The following CHD9 variants were observed in gnomAD, a reference collection of about 807,000 sequenced individuals.
CHD9 encodes the protein ATP-dependent chromatin remodeler CHD9.
CHD9 carries 77 observed loss-of-function variants against 316.1 expected under a neutral mutation model. That is an observed-to-expected ratio of 0.24 (90% CI 0.20 to 0.29). The LOEUF (loss-of-function observed/expected upper bound fraction) is 0.29, where lower values mean the gene tolerates loss of function less well. CHD9 is among the 10% of genes least tolerant of loss of function. CHD9 has a pLI of 1.00. For missense variants in CHD9, 2,763 were observed against 3,438.1 expected, an observed-to-expected ratio of 0.80 and a Z score of 4.91; for synonymous variants, 1,129 against 1,158.3, an observed-to-expected ratio of 0.97 and a Z score of 0.51.
intron 2 of CHD9, chr16:53,207,966 G>C (rs1255197690): frequency 2.2e-6 from 2 of 901,198 alleles, no homozygotes; most frequent in African/African-American, 1.8e-5. Context: ...GAAGGAGTCA[G>C]TATTTTTAAC....
intron 36 of CHD9, among the ~76,000 whole-genome samples, chr16:53,317,638 C>T (rs1438524712): frequency 1.3e-5 from 2 of 152,152 alleles, no homozygotes; most frequent in Non-Finnish European, 2.9e-5. Flanking sequence ...GGACTGTAGG[C>T]GTACACCACC....
chr16:53,226,528 A>G lies in CHD9; in HGVS notation c.2043+16A>G. The G allele has an allele frequency of 3.8e-6, 6 of 1,586,352 alleles. No individual in the cohort carries two copies. Among genetic ancestry groups the G allele is most frequent in the Non-Finnish European group, 5.1e-6 (6 of 1,173,134 alleles). Reference sequence around the variant, plus strand: ...ATTGTTTGTGGTAAGCATATTTGGGATTATGACTGCAAAACATTTTAAACC... The same window carrying G: ...ATTGTTTGTGGTAAGCATATTTGGGGTTATGACTGCAAAACATTTTAAACC... On this transcript the variant is annotated intron_variant, in intron 5 of 38. Transcript: ENST00000447540.
At chr16:53,235,929 C>G (rs780727779) in intron 11 of CHD9, among the ~76,000 whole-genome samples, 12 of 152,140 alleles carry the variant, frequency 7.9e-5, no homozygotes, top group Non-Finnish European at 1.5e-4. Context: ...AATAAAGGCA[C>G]TACTGTTAGT....
intron 1 of CHD9, among the ~76,000 whole-genome samples, chr16:53,085,240 T>TA (rs1393010787): frequency 1.1e-4 from 17 of 151,106 alleles, no homozygotes; most frequent in South Asian, 4.2e-4. Context: ...TTTTTTTTTT[T>TA]TTTTTTTTTA....
intron 34 of CHD9, chr16:53,311,397 T>C (rs2035978628): frequency 6.6e-6 from 1 of 152,160 alleles, no homozygotes. Flanking sequence ...GGTGTGGGGA[T>C]GACAGAGATG....
At chr16:53,070,530 TTC>T (rs1198913398) in intron 1 of CHD9, among the ~76,000 whole-genome samples, 47 of 19,672 alleles carry the variant, frequency 2.4e-3, no homozygotes, top group African/African-American at 8.4e-3. Flanking sequence ...CCTTCCTTCC[TTC>T]CTCTCTCTCT....
intron 1 of CHD9, among the ~76,000 whole-genome samples, chr16:53,097,385 TTCC>T (rs1282935876): frequency 8.2e-4 from 42 of 50,960 alleles, no homozygotes; most frequent in African/African-American, 2.5e-3. Context: ...CCTTCCTTCC[TTCC>T]TTCCTTCCTT....
intron 37 of CHD9, chr16:53,321,030 C>T (rs369863576): frequency 3.3e-5 from 10 of 298,744 alleles, no homozygotes; most frequent in South Asian, 2.7e-4. Context: ...ATTTAAAGTA[C>T]TTAGCACAAT....
intron 13 of CHD9, among the ~76,000 whole-genome samples, chr16:53,244,711 T>G (rs2049416087): frequency 6.6e-6 from 1 of 152,188 alleles, no homozygotes; most frequent in African/African-American, 2.4e-5. Context: ...ATTTAGAATT[T>G]TTAAAGGCAC....
Position 53,245,329 on chromosome 16 carries a change from T to A in CHD9, c.3055-7T>A. 6.6e-7 allele frequency: 1 copy of A among 1,508,644 alleles called. No homozygotes were observed. Among genetic ancestry groups the A allele is most frequent in the Non-Finnish European group, 8.8e-7 (1 of 1,131,226 alleles). 93.5% of individuals were successfully genotyped at this position (1,508,644 alleles called of 1,614,324 possible). A position where few individuals can be genotyped will look rare whatever the true frequency, so the allele number is the denominator to read the frequency against. On this transcript the variant is annotated splice_polypyrimidine_tract_variant and splice_region_variant and intron_variant, in intron 13 of 38. Transcript: ENST00000447540. This position sits in a 1 kb window ranked among gnomAD's most constrained non-coding sequence, Gnocchi z 4.1. ...TGTTTGATGTGAATTGTTCTCACTTTTTGTAGGAACACAAGGTGCTTTTGA... is the reference window on the plus strand; with the variant it reads ...TGTTTGATGTGAATTGTTCTCACTTATTGTAGGAACACAAGGTGCTTTTGA...
At position 53,321,526 on chromosome 16, in the gene CHD9, G is replaced by A; in HGVS notation, c.7714G>A (p.Val2572Ile). Residue 2572 changes from valine to isoleucine, a missense_variant and splice_region_variant, in exon 38 of 39, where the codon GTT becomes ATT. Coordinates refer to ENST00000447540, the MANE Select transcript of CHD9 (RefSeq NM_001308319.2). Reference sequence around the variant, plus strand: ...TATTTAATCTGTTTCTAATTTACAGGTTGGAGGTGCATTTGCTCCCCCTTT... The same window carrying A: ...TATTTAATCTGTTTCTAATTTACAGATTGGAGGTGCATTTGCTCCCCCTTT... ...QLINRRNARKVGGAFAPPLKD... is the reference protein window; with the variant it reads ...QLINRRNARKIGGAFAPPLKD... 6.5e-7 allele frequency: 1 copy of A among 1,537,748 alleles called. No individual in the cohort carries two copies. Among genetic ancestry groups the A allele is most frequent in the Non-Finnish European group, 8.8e-7 (1 of 1,136,012 alleles).
At chr16:53,184,206 G>A (rs754652755) in intron 2 of CHD9, among the ~76,000 whole-genome samples, 3 of 152,110 alleles carry the variant, frequency 2.0e-5, no homozygotes, top group South Asian at 4.1e-4. Flanking sequence ...TTTTTTGAGT[G>A]CCTATTATGT....
chr16:53,088,317 G>A lies in CHD9; in HGVS notation c.-165+33240G>A, dbSNP rs375868492. 1.4e-3 allele frequency among the ~76,000 whole-genome samples: 189 copies of A among 130,986 alleles called. 1 individual carries two copies. The highest frequency in any genetic ancestry group is 5.1e-3 in the African/African-American group (174 of 33,926). 85.9% of individuals were successfully genotyped at this position (130,986 alleles called of 152,430 possible). On this transcript the variant is annotated intron_variant, in intron 1 of 38. Transcript: ENST00000447540. Reference sequence around the variant, plus strand: ...TTTTGAGATGGAGTCTCGTTCTGTCGCCCAGGCTGGAGTGCAGTGGCGCGA... The same window carrying A: ...TTTTGAGATGGAGTCTCGTTCTGTCACCCAGGCTGGAGTGCAGTGGCGCGA...
rs3743771 is a variant in CHD9, at chr16:53,324,527, A to G, written c.8326A>G (p.Thr2776Ala). 0.28 allele frequency: 449,939 copies of G among 1,613,306 alleles called. 64,776 individuals are homozygous for G. Among genetic ancestry groups the G allele is most frequent in the Middle Eastern group, 0.33 (1,983 of 6,060 alleles). The change falls in exon 39 of 39, where the codon ACA (threonine) becomes GCA (alanine). Residue 2776 changes from threonine to alanine, a missense_variant. Coordinates refer to ENST00000447540, the MANE Select transcript of CHD9 (RefSeq NM_001308319.2). Reference sequence around the variant, plus strand: ...AAACTCTGTGTCAAGTTCTCCTTCCACATCCTCTACTGCTGCATTAAATAC... The same window carrying G: ...AAACTCTGTGTCAAGTTCTCCTTCCGCATCCTCTACTGCTGCATTAAATAC... ...GENSVSSSPS[T>A]SSTAALNTAA... is the part of the protein sequence containing the mutation.
chr16:53,141,057 T>G (rs1184686973), intron 1 of CHD9, among the ~76,000 whole-genome samples: 1 of 152,218 alleles, frequency 6.6e-6, no homozygotes, highest in Non-Finnish European at 1.5e-5. Flanking sequence ...AAACCAAAGA[T>G]TTCTTTGTTT....
At position 53,285,622 on chromosome 16, in the gene CHD9, C is replaced by G; in HGVS notation, c.4994C>G (p.Pro1665Arg). ...ASDIDVWVPE[P>R]DHSEVPAEWW... ...GACATTGATGTTTGGGTACCAGAAC[C>G]AGACCACTCAGAAGTTCCTGCTGAG... Residue 1665 changes from proline to arginine, a missense_variant, in exon 25 of 39, where the codon CCA becomes CGA. Pro to Arg is a moderately radical substitution (Grantham distance 103). Transcript: ENST00000447540. 1 of 1,604,838 alleles carries G rather than the reference C, an allele frequency of 6.2e-7. No homozygotes were observed. Among genetic ancestry groups the G allele is most frequent in the African/African-American group, 1.3e-5 (1 of 74,516 alleles).
At chr16:53,152,239 C>T (rs1337522509) in intron 1 of CHD9, among the ~76,000 whole-genome samples, 3 of 152,100 alleles carry the variant, frequency 2.0e-5, no homozygotes, top group Non-Finnish European at 4.4e-5. Context: ...TGTGTTTAGC[C>T]AGTGTTTTAA....
At chr16:53,227,641 G>T in intron 7 of CHD9, 38 bp downstream of exon 7, 1 of 596,936 alleles carries the variant, frequency 1.7e-6, no homozygotes, top group Non-Finnish European at 2.7e-6. Flanking sequence ...GAAAGATGTT[G>T]ATTTACATAT....
At chr16:53,186,581 T>C (rs1264199325) in intron 2 of CHD9, among the ~76,000 whole-genome samples, 1 of 152,150 alleles carries the variant, frequency 6.6e-6, no homozygotes, top group Admixed American at 6.5e-5. Context: ...TGTGAGGATA[T>C]AAGATTTAGG....
Sources: gnomAD v4.1 joint callset for allele counts (sites outside exome capture counted in the v4.1 genomes callset) on GRCh38, gnomAD v4.1.1 for gene constraint, Gnocchi (gnomAD v3.1) non-coding constraint, MANE v1.5 for transcripts, NCBI Gene and HGNC (gene_info 2026-07-23, HGNC 2026-07-21) for gene names.